The following SLC25A33 variants were observed in gnomAD, a reference collection of about 807,000 sequenced individuals.
The protein encoded by SLC25A33 is solute carrier family 25 member 33.
In SLC25A33, 15 loss-of-function variants were observed where a neutral mutation model predicts 35.5. The observed-to-expected ratio is 0.42, with a 90% CI of 0.28 to 0.65. The LOEUF (loss-of-function observed/expected upper bound fraction) is 0.65. Ranked by LOEUF, SLC25A33 falls within the 30% of genes least tolerant of loss-of-function variation. SLC25A33 has a pLI of 0.20. For missense variants in SLC25A33, 257 were observed against 398.5 expected, an observed-to-expected ratio of 0.64 and a Z score of 3.02; for synonymous variants, 136 against 148.7, an observed-to-expected ratio of 0.91 and a Z score of 0.62.
intron 3 of SLC25A33, among the ~76,000 whole-genome samples, chr1:9,569,012 G>A (rs1321479581): frequency 3.3e-5 from 5 of 152,052 alleles, no homozygotes; most frequent in Admixed American, 6.6e-5. Flanking sequence ...TTGGGAGGCC[G>A]AGGCAGGCGG....
intron 2 of SLC25A33, among the ~76,000 whole-genome samples, chr1:9,564,710 C>T (rs1643473655): frequency 7.9e-6 from 1 of 125,946 alleles, no homozygotes; most frequent in African/African-American, 3.1e-5. Context: ...AACATGGTGA[C>T]ACCTCGTCTC....
At chr1:9,542,670 C>A (rs1052571281) in intron 1 of SLC25A33, among the ~76,000 whole-genome samples, 1 of 152,120 alleles carries the variant, frequency 6.6e-6, no homozygotes, top group African/African-American at 2.4e-5. Flanking sequence ...AAGTGCACTT[C>A]CTTTGAAAAG....
At chr1:9,546,607 G>T (rs1405856381) in intron 1 of SLC25A33, among the ~76,000 whole-genome samples, 1 of 152,166 alleles carries the variant, frequency 6.6e-6, no homozygotes, top group African/African-American at 2.4e-5. Context: ...ATGAGTCCCA[G>T]CTGGCCTTTG....
intron 2 of SLC25A33, among the ~76,000 whole-genome samples, chr1:9,562,696 A>G (rs1235652904): frequency 6.6e-6 from 1 of 151,708 alleles, no homozygotes; most frequent in Non-Finnish European, 1.5e-5. Context: ...CTCTACTAAA[A>G]ATACAAAATT....
At chr1:9,545,208 T>C (rs1414200215) in intron 1 of SLC25A33, among the ~76,000 whole-genome samples, 1 of 152,064 alleles carries the variant, frequency 6.6e-6, no homozygotes, top group African/African-American at 2.4e-5. Context: ...TTTGGTGGTT[T>C]TTTTTGTTTT....
chr1:9,541,162 T>C (rs147233995), intron 1 of SLC25A33, among the ~76,000 whole-genome samples: 3,166 of 151,006 alleles, frequency 0.021, 118 homozygotes, highest in African/African-American at 0.074. Context: ...TTTTTTCTTT[T>C]TTTTTTTTTG....
chr1:9,557,804 G>T (rs530335073), intron 2 of SLC25A33, among the ~76,000 whole-genome samples: 4 of 152,008 alleles, frequency 2.6e-5, no homozygotes, highest in African/African-American at 9.7e-5. Context: ...CACAATTTAC[G>T]TAAGACAGGA....
chr1:9,559,198 T>TA (rs1643385428), intron 2 of SLC25A33, among the ~76,000 whole-genome samples: 2 of 152,226 alleles, frequency 1.3e-5, no homozygotes, highest in Admixed American at 6.6e-5. Context: ...CCGTAGCACT[T>TA]ACGTCCATCA....
chr1:9,550,016 T>A (rs1241858113), intron 1 of SLC25A33, among the ~76,000 whole-genome samples: 1,945 of 98,704 alleles, frequency 0.02, 122 homozygotes, highest in African/African-American at 0.072. Context: ...TATATATTTT[T>A]TTTTTTTTTT....
At chr1:9,543,968 G>GCCTGTAAT (rs1643130570) in intron 1 of SLC25A33, among the ~76,000 whole-genome samples, 2 of 152,010 alleles carry the variant, frequency 1.3e-5, no homozygotes, top group Admixed American at 1.3e-4. Context: ...AGCTGGGCAT[G>GCCTGTAAT]GTGGTGCATG....
intron 2 of SLC25A33, among the ~76,000 whole-genome samples, chr1:9,557,728 G>A (rs1012118648): frequency 4.5e-4 from 68 of 152,268 alleles, no homozygotes; most frequent in African/African-American, 1.5e-3. Context: ...TTTGGGAAAT[G>A]TTAGAAAAAG....
At chr1:9,569,873 T>C (rs1643564074) in intron 3 of SLC25A33, among the ~76,000 whole-genome samples, 1 of 152,098 alleles carries the variant, frequency 6.6e-6, no homozygotes, top group Admixed American at 6.6e-5. Context: ...TTTGACATTC[T>C]CATTTTGGCA....
chr1:9,544,397 G>A (rs1557522796), intron 1 of SLC25A33, among the ~76,000 whole-genome samples: 1 of 151,372 alleles, frequency 6.6e-6, no homozygotes, highest in African/African-American at 2.4e-5. Context: ...GCCTCCCGAG[G>A]AGCTGTAATT....
At chr1:9,550,014 T>A (rs1486239057) in intron 1 of SLC25A33, among the ~76,000 whole-genome samples, 2,368 of 90,306 alleles carry the variant, frequency 0.026, 118 homozygotes, top group African/African-American at 0.088. Context: ...TATATATATT[T>A]TTTTTTTTTT....
intron 6 of SLC25A33, among the ~76,000 whole-genome samples, chr1:9,580,854 CA>C (rs200156885): frequency 0.043 from 6,049 of 139,316 alleles, 460 homozygotes; most frequent in African/African-American, 0.16. Flanking sequence ...GACTCTGTCT[CA>C]AAAAAAAAAA....
At chr1:9,570,629 A>C (rs1569869323) in intron 4 of SLC25A33, among the ~76,000 whole-genome samples, 1 of 150,570 alleles carries the variant, frequency 6.6e-6, no homozygotes, top group Non-Finnish European at 1.5e-5. Flanking sequence ...AGGAATATTC[A>C]TAGGTTTTTC....
chr1:9,576,970 G>A, intron 5 of SLC25A33: 1 of 1,228,264 alleles, frequency 8.1e-7, no homozygotes, highest in Non-Finnish European at 1.2e-6. Context: ...GAACTGTTCA[G>A]CAGGCTGATG....
At chr1:9,564,740 ATAT>A (rs140967737) in intron 2 of SLC25A33, among the ~76,000 whole-genome samples, 9,271 of 93,912 alleles carry the variant, frequency 0.099, 778 homozygotes, top group East Asian at 0.49. Context: ...AAAAAAAAAA[ATAT>A]ATATATATAT....
intron 2 of SLC25A33, among the ~76,000 whole-genome samples, chr1:9,563,690 A>G (rs1424256021): frequency 6.6e-6 from 1 of 152,228 alleles, no homozygotes; most frequent in Non-Finnish European, 1.5e-5. Context: ...TGTTATAATG[A>G]AAGTAAAACA....
Sources: allele counts gnomAD v4.1 joint callset (sites outside exome capture counted in the v4.1 genomes callset), GRCh38; gene constraint gnomAD v4.1.1; transcripts MANE v1.5; gene names NCBI Gene and HGNC (gene_info 2026-07-23, HGNC 2026-07-21).